Variants in CFTR observed in about 807,000 individuals in gnomAD.
CFTR encodes CF transmembrane conductance regulator.
In CFTR, 181 loss-of-function variants were observed where a neutral mutation model predicts 171.6. That is an observed-to-expected ratio of 1.05 (90% CI 0.93 to 1.19). The LOEUF is 1.19. Among genes scored for constraint, CFTR ranks in the 50% most tolerant of loss-of-function variants. The pLI is 0.00. For synonymous variants in CFTR, 583 were observed against 608.0 expected (o/e 0.96, Z 0.60); for missense variants, 1,968 against 1,734.7 (o/e 1.13, Z -2.39).
At chr7:117,643,943 T>C (rs925434391) in intron 23 of CFTR, among the ~76,000 whole-genome samples, 1 of 152,226 alleles carries the variant, frequency 6.6e-6, no homozygotes, top group African/African-American at 2.4e-5. Flanking sequence ...GGTTTTGTTT[T>C]ATTGCATGTT....
intron 10 of CFTR, among the ~76,000 whole-genome samples, chr7:117,551,882 A>T (rs1442673122): frequency 6.6e-6 from 1 of 152,040 alleles, no homozygotes; most frequent in African/African-American, 2.4e-5. Flanking sequence ...TGTCTCTATT[A>T]TTGATCATTG....
At chr7:117,590,876 T>C (rs781732205) in intron 13 of CFTR, among the ~76,000 whole-genome samples, 3 of 152,080 alleles carry the variant, frequency 2.0e-5, no homozygotes, top group Non-Finnish European at 2.9e-5. Flanking sequence ...AGACTACTCA[T>C]CTACCTCAAT....
chr7:117,480,732 G>GT (rs1234877657), intron 1 of CFTR, among the ~76,000 whole-genome samples: 1 of 151,976 alleles, frequency 6.6e-6, no homozygotes, highest in Non-Finnish European at 1.5e-5. Flanking sequence ...TTTGAAAAAA[G>GT]TTACTTCACA....
intron 15 of CFTR, among the ~76,000 whole-genome samples, chr7:117,596,232 C>T (rs1030003054): frequency 1.1e-4 from 16 of 152,208 alleles, no homozygotes; most frequent in African/African-American, 3.9e-4. Flanking sequence ...GCAGGCCCCG[C>T]ACTCGGAGCA....
chr7:117,491,798 CG>C (rs1478669143), intron 1 of CFTR, among the ~76,000 whole-genome samples: 2 of 151,982 alleles, frequency 1.3e-5, no homozygotes, highest in East Asian at 3.9e-4. Context: ...CCTTAGGTAC[CG>C]GGGGTTAGGA....
intron 9 of CFTR, among the ~76,000 whole-genome samples, chr7:117,546,611 G>A (rs1334068957): frequency 1.3e-5 from 2 of 152,042 alleles, no homozygotes; most frequent in African/African-American, 4.8e-5. Flanking sequence ...CTTGAAATGT[G>A]TCTTCTGTAA....
intron 26 of CFTR, among the ~76,000 whole-genome samples, chr7:117,665,785 A>G (rs1793366165): frequency 6.6e-6 from 1 of 152,222 alleles, no homozygotes; most frequent in Admixed American, 6.5e-5. Context: ...ATGGCAGCAT[A>G]TTACTAAGTT....
intron 3 of CFTR, among the ~76,000 whole-genome samples, chr7:117,515,776 A>G (rs1309657156): frequency 1.3e-5 from 2 of 152,118 alleles, no homozygotes; most frequent in South Asian, 2.1e-4. Context: ...GATTCTTTCT[A>G]TCCGTAAGGA....
intron 11 of CFTR, among the ~76,000 whole-genome samples, chr7:117,572,311 T>G (rs546562533): frequency 1.3e-5 from 2 of 152,304 alleles, no homozygotes; most frequent in East Asian, 3.9e-4. Flanking sequence ...CCCTTTTTAT[T>G]TTTTAAGCTG....
At chr7:117,510,274 C>T (rs1798493897) in intron 3 of CFTR, among the ~76,000 whole-genome samples, 4 of 151,998 alleles carry the variant, frequency 2.6e-5, no homozygotes, top group Admixed American at 2.6e-4. Context: ...GATGATTTTT[C>T]TCAATCAGAG....
chr7:117,639,349 T>A (rs982522549), intron 22 of CFTR, among the ~76,000 whole-genome samples: 3 of 152,204 alleles, frequency 2.0e-5, no homozygotes, highest in African/African-American at 7.2e-5. Context: ...CCTTTTGACT[T>A]TTTATCTAAA....
chr7:117,653,385 TC>T (rs1273823598), intron 24 of CFTR, among the ~76,000 whole-genome samples: 1 of 152,160 alleles, frequency 6.6e-6, no homozygotes, highest in African/African-American at 2.4e-5. Flanking sequence ...AAGTCAAAGA[TC>T]AAGGTGCCAG....
intron 3 of CFTR, among the ~76,000 whole-genome samples, chr7:117,509,494 T>A (rs1798479749): frequency 6.6e-6 from 1 of 152,184 alleles, no homozygotes; most frequent in African/African-American, 2.4e-5. Flanking sequence ...GGAGACAATG[T>A]CAGCAGAATT....
chr7:117,587,647 G>T, intron 11 of CFTR, 92 bp from the exon 12 acceptor site: 1 of 780,000 alleles, frequency 1.3e-6, no homozygotes, highest in South Asian at 1.4e-5. Context: ...GCAATAGTGT[G>T]ATATATGATT....
At chr7:117,634,171 G>A (rs1045416008) in intron 22 of CFTR, among the ~76,000 whole-genome samples, 1 of 151,976 alleles carries the variant, frequency 6.6e-6, no homozygotes, top group Non-Finnish European at 1.5e-5. Context: ...ATAGATATAG[G>A]CCTATTCAGA....
chr7:117,563,327 A>G (rs1219366189), intron 11 of CFTR, among the ~76,000 whole-genome samples: 1 of 152,156 alleles, frequency 6.6e-6, no homozygotes, highest in Non-Finnish European at 1.5e-5. Flanking sequence ...TCTGACTACA[A>G]GGAGAAAGAC....
chr7:117,536,458 T>C, intron 6 of CFTR, 90 bp from the exon 7 acceptor site: 1 of 1,276,002 alleles, frequency 7.8e-7, no homozygotes, highest in Non-Finnish European at 1.1e-6. Flanking sequence ...ATAAAAGAAA[T>C]ATGACTTAAA....
intron 22 of CFTR, among the ~76,000 whole-genome samples, chr7:117,640,203 A>G (rs189962653): frequency 6.6e-4 from 100 of 152,266 alleles, no homozygotes; most frequent in African/African-American, 2.4e-3. Context: ...GCCTGGAAAA[A>G]CAAATCCCGG....
At position 117,592,200 on chromosome 7, in the gene CFTR, C is replaced by T. The variant is rs757333389; in HGVS notation, c.2033C>T (p.Ser678Phe). 6.2e-6 allele frequency: 10 copies of T among 1,613,844 alleles called. No individual in the cohort carries two copies. Among genetic ancestry groups the T allele is most frequent in the Non-Finnish European group, 8.5e-6 (10 of 1,179,978 alleles). Reference sequence around the variant, plus strand: ...TCATTAGAAGGAGATGCTCCTGTCTCCTGGACAGAAACAAAAAAACAATCT... The same window carrying T: ...TCATTAGAAGGAGATGCTCCTGTCTTCTGGACAGAAACAAAAAAACAATCT... Reference protein sequence around the residue: ...RFSLEGDAPVSWTETKKQSFK... With the variant: ...RFSLEGDAPVFWTETKKQSFK... The change falls in exon 14 of 27, where the codon TCC becomes TTC. Residue 678 changes from serine to phenylalanine, a missense_variant. Coordinates refer to ENST00000003084, the MANE Select transcript of CFTR (RefSeq NM_000492.4).
Sources: gnomAD v4.1 joint callset for allele counts (sites outside exome capture counted in the v4.1 genomes callset) on GRCh38, gnomAD v4.1.1 for gene constraint, MANE v1.5 for transcripts, NCBI Gene and HGNC (gene_info 2026-07-23, HGNC 2026-07-21) for gene names.